Variants in CDH3 observed in about 807,000 individuals in gnomAD.
CDH3 encodes cadherin 3.
CDH3 carries 54 observed loss-of-function variants against 82.0 expected under a neutral mutation model. That is an observed-to-expected ratio of 0.66 (90% CI 0.53 to 0.83). The LOEUF is 0.83. Among genes scored for constraint, CDH3 ranks in the 40% least tolerant of loss-of-function variants. The pLI is 0.00. For missense variants in CDH3, 1,054 were observed against 1,084.6 expected (o/e 0.97, Z 0.40); for synonymous variants, 446 against 437.9 (o/e 1.02, Z -0.23).
At chr16:68,651,092 C>T (rs573067572) in intron 2 of CDH3, 25 of 421,236 alleles carry the variant, frequency 5.9e-5, no homozygotes, top group Non-Finnish European at 1.0e-4. Context: ...CCTGGGCAGT[C>T]GTTGGTGCCC....
intron 11 of CDH3, chr16:68,686,677 C>A: frequency 1.2e-6 from 1 of 804,050 alleles, no homozygotes; most frequent in Non-Finnish European, 2.2e-6. Flanking sequence ...TTGGAAAGTA[C>A]GTAGACTGAA....
chr16:68,690,148 T>G (rs1417070320), intron 12 of CDH3, among the ~76,000 whole-genome samples: 1 of 152,188 alleles, frequency 6.6e-6, no homozygotes, highest in Admixed American at 6.5e-5. Flanking sequence ...GCTCTGTGGT[T>G]AGCCTGCCAC....
At position 68,684,816 on chromosome 16, in the gene CDH3, A is replaced by G. The variant is rs141499582; in HGVS notation, c.1416A>G (p.Gln472=). 6.6e-5 allele frequency: 107 copies of G among 1,614,178 alleles called. 1 individual carries two copies. In the African/African-American group the frequency reaches 1.1e-3, roughly 16 times the overall value. Reference sequence around the variant, plus strand: ...CAGAAGACCCTGACAAGGAGAATCAAAAGATCAGGTACTCAGGAGCTGGGC... The same window carrying G: ...CAGAAGACCCTGACAAGGAGAATCAGAAGATCAGGTACTCAGGAGCTGGGC... The part of the protein sequence containing the change: ...YTAEDPDKEN[Q]KISYRILRDP... The change falls in exon 10 of 16, where the codon CAA becomes CAG. Residue 472 remains glutamine, a synonymous_variant. Transcript: ENST00000264012.
chr16:68,651,511 T>G, intron 2 of CDH3: 1 of 496,850 alleles, frequency 2.0e-6, no homozygotes, highest in Admixed American at 2.3e-5. Flanking sequence ...TGCTCCTGCT[T>G]CTTTGAGTAC....
chr16:68,733,611 G>A, the CDH3 span, among the ~76,000 whole-genome samples: 34 of 152,294 alleles, frequency 2.2e-4, no homozygotes, highest in African/African-American at 4.3e-4. Flanking sequence ...ACATGGTGAC[G>A]TGTGTCTGTA....
intron 2 of CDH3, among the ~76,000 whole-genome samples, chr16:68,658,716 G>A (rs539679824): frequency 6.6e-5 from 10 of 152,112 alleles, no homozygotes; most frequent in South Asian, 2.1e-4. Flanking sequence ...GCTTCCCACC[G>A]TACTTCGAAA....
At chr16:68,689,965 G>C (rs1377635343) in intron 12 of CDH3, among the ~76,000 whole-genome samples, 1 of 152,198 alleles carries the variant, frequency 6.6e-6, no homozygotes, top group Non-Finnish European at 1.5e-5. Context: ...CTTCCACACA[G>C]GCTAACAGCT....
At chr16:68,713,850 G>C (rs2152110403) in intron 1 of CDH3, among the ~76,000 whole-genome samples, 1 of 152,102 alleles carries the variant, frequency 6.6e-6, no homozygotes, top group Admixed American at 6.5e-5. Context: ...TGCTTGTGCT[G>C]TTTCCCCTAC....
intron 9 of CDH3, 29 bp downstream of exon 9, chr16:68,682,516 C>G: frequency 6.2e-7 from 1 of 1,608,376 alleles, no homozygotes; most frequent in Non-Finnish European, 8.5e-7. Context: ...CAGACAATGG[C>G]TATACCTGGG....
intron 2 of CDH3, among the ~76,000 whole-genome samples, chr16:68,670,689 A>G (rs1403113196): frequency 6.6e-6 from 1 of 152,194 alleles, no homozygotes; most frequent in African/African-American, 2.4e-5. Context: ...TAAATACCTA[A>G]TAAGTTAATT....
chr16:68,704,101 A>G (rs1217563784), downstream of CDH3, among the ~76,000 whole-genome samples: 1 of 151,978 alleles, frequency 6.6e-6, no homozygotes, highest in Non-Finnish European at 1.5e-5. Context: ...CCTGGCTAAC[A>G]CGGTGAAACC....
rs144860534 is a variant in CDH3, at chr16:68,647,358, T to TA, written c.160+1609dup. Among the ~76,000 whole-genome samples, 896 of 150,888 alleles carry TA rather than the reference T, an allele frequency of 5.9e-3. 20 individuals are homozygous for TA. Among genetic ancestry groups the TA allele is most frequent in the East Asian group, 0.042 (211 of 5,046 alleles). On this transcript the variant is annotated intron_variant, in intron 2 of 15. Coordinates refer to ENST00000264012, the MANE Select transcript of CDH3 (RefSeq NM_001793.6). The stretch of plus-strand genomic sequence containing the variant: ...TTATCTTTCCTACTGAAGCAAGAAA[T>TA]ATCAGATTAGCTGTCACTTCACTAG...
chr16:68,689,863 G>A (rs1156901512), intron 12 of CDH3, among the ~76,000 whole-genome samples: 1 of 152,012 alleles, frequency 6.6e-6, no homozygotes, highest in Non-Finnish European at 1.5e-5. Context: ...AAACGTGGGG[G>A]TTGTTTTTGA....
intron 2 of CDH3, 25 bp from the exon 3 acceptor site, chr16:68,676,360 T>A: frequency 6.4e-7 from 1 of 1,562,604 alleles, no homozygotes; most frequent in Non-Finnish European, 8.8e-7. Context: ...GCCTTCCTAA[T>A]GCTCTCTCTT....
At chr16:68,648,320 T>A (rs2152088530) in intron 2 of CDH3, among the ~76,000 whole-genome samples, 1 of 152,260 alleles carries the variant, frequency 6.6e-6, no homozygotes, top group Non-Finnish European at 1.5e-5. Context: ...GAATTATGAA[T>A]GAATTTGACA....
At chr16:68,651,198 C>T in intron 2 of CDH3, 2 of 512,808 alleles carry the variant, frequency 3.9e-6, no homozygotes, top group Non-Finnish European at 7.9e-6. Context: ...GGTTAGCACC[C>T]TGCAGGTAGC....
chr16:68,702,775 G>A (rs559892346), downstream of CDH3, among the ~76,000 whole-genome samples: 1 of 152,060 alleles, frequency 6.6e-6, no homozygotes, highest in Non-Finnish European at 1.5e-5. Flanking sequence ...TGAGGGAGGA[G>A]AATCGCTTGA....
Position 68,687,570 on chromosome 16 carries a change from C to G in CDH3, c.1629C>G (p.Asp543Glu). Residue 543 changes from aspartate to glutamate, a missense_variant, in exon 12 of 16, where the codon GAC becomes GAG. By Grantham distance (45) the Asp-to-Glu change is conservative. Coordinates refer to ENST00000264012, the MANE Select transcript of CDH3 (RefSeq NM_001793.6). ...TGCTAACACTGATTGATGTCAATGA[C>G]CATGGCCCAGTCCCTGAGCCCCGTC... ...TLLLTLIDVNDHGPVPEPRQI... is the reference protein window; with the variant it reads ...TLLLTLIDVNEHGPVPEPRQI... 1 of 1,614,140 alleles carries G rather than the reference C, an allele frequency of 6.2e-7. No individual in the cohort carries two copies. Among genetic ancestry groups the G allele is most frequent in the Non-Finnish European group, 8.5e-7 (1 of 1,180,028 alleles).
intron 1 of CDH3, among the ~76,000 whole-genome samples, chr16:68,721,041 G>A (rs181333952): frequency 3.7e-4 from 56 of 152,170 alleles, no homozygotes; most frequent in African/African-American, 1.3e-3. Context: ...GAACCTAGGT[G>A]CGCAGAGGTT....
Sources: gnomAD v4.1 joint callset for allele counts (sites outside exome capture counted in the v4.1 genomes callset) on GRCh38, gnomAD v4.1.1 for gene constraint, MANE v1.5 for transcripts, NCBI Gene and HGNC (gene_info 2026-07-23, HGNC 2026-07-21) for gene names.